Variants in IRF1 observed in about 807,000 individuals in gnomAD.
The protein encoded by IRF1 is interferon regulatory factor 1, also known as interferon regulatory factor-1.
A neutral mutation model predicts 43.7 loss-of-function variants in IRF1; 13 were observed. The observed-to-expected ratio is 0.30, with a 90% CI of 0.19 to 0.47. The LOEUF is 0.47. Ranked by LOEUF, IRF1 falls within the 20% of genes least tolerant of loss-of-function variation. The pLI is 0.99. For synonymous variants in IRF1, 138 were observed against 146.8 expected, an observed-to-expected ratio of 0.94 and a Z score of 0.43; for missense variants, 236 against 408.9, an observed-to-expected ratio of 0.58 and a Z score of 3.65.
chr5:132,489,607 T>G, intron 1 of IRF1, 124 bp from the exon 2 acceptor site: 1 of 703,584 alleles, frequency 1.4e-6, no homozygotes, highest in Admixed American at 2.2e-5. Flanking sequence ...GGTACTACAC[T>G]CAGTGCGGAG....
intron 1 of IRF1, chr5:132,489,756 G>T (rs1311823732): frequency 8.5e-6 from 3 of 352,872 alleles, no homozygotes; most frequent in East Asian, 8.6e-5. Flanking sequence ...GGATTCATAT[G>T]CAGGAAAAGA....
intron 3 of IRF1, 77 bp from the exon 4 acceptor site, chr5:132,487,207 A>T: frequency 6.8e-7 from 1 of 1,464,036 alleles, no homozygotes; most frequent in Non-Finnish European, 9.5e-7. Flanking sequence ...TGAAGGAGGA[A>T]GGCAAGGTAC....
chr5:132,485,849 A>ACACACACACACAC lies in IRF1; in HGVS notation c.668-134_668-133insGTGTGTGTGTGTG, dbSNP rs111906639. ...CTCTGACACACACACACACACACAC[A>ACACACACACACAC]CCCTCCCGGTGGACCTATCTGCCAT... On this transcript the variant is annotated intron_variant, in intron 7 of 9. Coordinates refer to ENST00000245414, the MANE Select transcript of IRF1 (RefSeq NM_002198.3). 8.5e-3 allele frequency: 5,714 copies of ACACACACACACAC among 669,152 alleles called. 91 individuals carry two copies. In the East Asian group the frequency reaches 0.1, roughly 12 times the overall value. The allele number at this position is 669,152 out of a possible 1,614,324, so 41.5% of individuals were successfully genotyped here.
chr5:132,487,662 C>G (rs1263426258), intron 3 of IRF1: 3 of 511,960 alleles, frequency 5.9e-6, no homozygotes, highest in Non-Finnish European at 1.1e-5. Context: ...TTCACAGATG[C>G]TTTTGCCAGG....
rs1254594494 is a variant in IRF1 at position 132,482,384 on chromosome 5, A to G, written c.*1567T>C. On this transcript the variant is annotated 3_prime_UTR_variant, in exon 10 of 10. Coordinates refer to ENST00000245414, the MANE Select transcript of IRF1 (RefSeq NM_002198.3). Reference sequence around the variant, plus strand: ...CAGGCACCCGCCACTAGGCCCGGCTAATTTTTTATATTTTTAGTAGAGACG... The same window carrying G: ...CAGGCACCCGCCACTAGGCCCGGCTGATTTTTTATATTTTTAGTAGAGACG... 6.6e-6 allele frequency: 1 copy of G among 152,062 alleles called. No individual in the cohort carries two copies. Among genetic ancestry groups the G allele is most frequent in the Non-Finnish European group, 1.5e-5 (1 of 68,042 alleles). 9.4% of individuals were successfully genotyped at this position (152,062 alleles called of 1,614,324 possible). A position where few individuals can be genotyped will look rare whatever the true frequency, so the allele number is the denominator to read the frequency against.
chr5:132,487,841 C>G, intron 3 of IRF1, 85 bp downstream of exon 3: 1 of 863,936 alleles, frequency 1.2e-6, no homozygotes, highest in Non-Finnish European at 1.9e-6. Context: ...AGCTCAGGGA[C>G]CCCAGTGAAG....
chr5:132,484,809 G>A (rs963720263), intron 8 of IRF1: 5 of 264,166 alleles, frequency 1.9e-5, no homozygotes, highest in African/African-American at 1.1e-4. Context: ...TAAAACAAAG[G>A]TTAGCATAAT....
Position 132,486,686 on chromosome 5 carries a change from A to G in IRF1, c.415T>C (p.Ser139Pro). 1 of 1,613,856 alleles carries G rather than the reference A, an allele frequency of 6.2e-7. No individual in the cohort carries two copies. The highest frequency in any genetic ancestry group is 8.5e-7 in the Non-Finnish European group (1 of 1,179,760). The change falls in exon 6 of 10, where the codon TCA becomes CCA. Residue 139 changes from serine (S) to proline (P), a missense_variant and splice_region_variant. By Grantham distance (74) the Ser-to-Pro change is moderately conservative (BLOSUM62 -1). Around this residue, in one of 2 missense-constraint regions of IRF1, gnomAD observed 170 missense variants for 251.8 expected, o/e 0.68. Coordinates refer to ENST00000245414, the MANE Select transcript of IRF1 (RefSeq NM_002198.3). Reference sequence around the variant, plus strand: ...GTATCAGGGCTGGAATCCCCACATGACTGTCGAGGGAGAAAGCAGCTTAGG... The same window carrying G: ...GTATCAGGGCTGGAATCCCCACATGGCTGTCGAGGGAGAAAGCAGCTTAGG... ...RDAKSKAKRK[S>P]CGDSSPDTFS...
intron 7 of IRF1, 150 bp from the exon 8 acceptor site, chr5:132,485,866 A>G (rs10053046): frequency 0.34 from 225,584 of 658,338 alleles, 40,172 homozygotes; most frequent in African/African-American, 0.48. Flanking sequence ...CGGTGGACCT[A>G]TCTGCCATAG....
rs773209818 is a variant in IRF1 at position 132,483,988 on chromosome 5, C to T, written c.941G>A (p.Arg314Gln). 15 of 1,613,668 alleles carry T rather than the reference C, an allele frequency of 9.3e-6. No homozygotes were observed. The highest frequency in any genetic ancestry group is 1.3e-5 in the African/African-American group (1 of 74,890). Reference sequence around the variant, plus strand: ...GGGAATGGCCTGGATGGAGGGCAACCGGACTGGGGTCAGCAGGCTGTCCAG... The same window carrying T: ...GGGAATGGCCTGGATGGAGGGCAACTGGACTGGGGTCAGCAGGCTGTCCAG... Reference protein sequence around the residue: ...TWLDSLLTPVRLPSIQAIPCA... With the variant: ...TWLDSLLTPVQLPSIQAIPCA... Residue 314 changes from arginine (R) to glutamine (Q), a missense_variant, in exon 10 of 10, where the codon CGG becomes CAG. Physicochemically the swap from Arg to Gln is conservative, Grantham distance 43 (BLOSUM62 1). Around this residue, in one of 2 missense-constraint regions of IRF1, gnomAD observed 170 missense variants for 251.8 expected, o/e 0.68. Coordinates refer to ENST00000245414, the MANE Select transcript of IRF1 (RefSeq NM_002198.3).
Position 132,484,384 on chromosome 5 carries a change from C to T in IRF1, c.831G>A (p.Glu277=). 6.2e-7 allele frequency: 1 copy of T among 1,614,160 alleles called. No homozygotes were observed. Among genetic ancestry groups the T allele is most frequent in the Non-Finnish European group, 8.5e-7 (1 of 1,179,994 alleles). ...SVYGDFSCKE[E]PEIDSPGGDI... ...TACCCCCTGGGCTGTCAATTTCTGG[C>T]TCCTCCTTACAGCTAAAGTCTCCAT... The change falls in exon 9 of 10, where the codon GAG becomes GAA. Residue 277 remains glutamate, a synonymous_variant. Transcript: ENST00000245414.
At chr5:132,487,539 T>C in intron 3 of IRF1, 2 of 338,766 alleles carry the variant, frequency 5.9e-6, no homozygotes, top group South Asian at 6.2e-5. Context: ...GAGCTCCATC[T>C]CTCAAGGATA....
At position 132,490,400 on chromosome 5, in the gene IRF1, C is replaced by G. The variant is rs1207445843; in HGVS notation, c.-6+145G>C. 6.7e-6 allele frequency: 1 copy of G among 149,910 alleles called. No individual in the cohort carries two copies. Among genetic ancestry groups the G allele is most frequent in the Non-Finnish European group, 1.5e-5 (1 of 67,290 alleles). 9.3% of individuals were successfully genotyped at this position (149,910 alleles called of 1,614,324 possible). A position where few individuals can be genotyped will look rare whatever the true frequency, so the allele number is the denominator to read the frequency against. ...GGCCCGCGGCTCGCAGCTCCTCCGGCGCCCCCCGGAGCCCGCGCGGAGGCC... is the reference window on the plus strand; with the variant it reads ...GGCCCGCGGCTCGCAGCTCCTCCGGGGCCCCCCGGAGCCCGCGCGGAGGCC... On this transcript the variant is annotated intron_variant, in intron 1 of 9. Coordinates refer to ENST00000245414, the MANE Select transcript of IRF1 (RefSeq NM_002198.3). The surrounding 1 kb of genome is among the most constrained non-coding windows in gnomAD (Gnocchi z 5.8).
At chr5:132,489,250 C>T in intron 2 of IRF1, 142 bp downstream of exon 2, 2 of 680,302 alleles carry the variant, frequency 2.9e-6, no homozygotes, top group South Asian at 3.3e-5. Flanking sequence ...GCCGTGCACA[C>T]TCCCTGCATG....
chr5:132,487,016 T>A lies in IRF1; in HGVS notation c.302A>T (p.Lys101Met). Residue 101 changes from lysine to methionine, a missense_variant, in exon 4 of 10, where the codon AAG becomes ATG. By Grantham distance (95) the Lys-to-Met change is moderately conservative. Coordinates refer to ENST00000245414, the MANE Select transcript of IRF1 (RefSeq NM_002198.3). ...IEEVKDQSRN[K>M]GSSAVRVYRM... ...GTACACTCGCACAGCTGAGCTGCCCTTGTTCCTGCTCTGGTCTTTCACCTC... is the reference window on the plus strand; with the variant it reads ...GTACACTCGCACAGCTGAGCTGCCCATGTTCCTGCTCTGGTCTTTCACCTC... The A allele has an allele frequency of 6.2e-7, 1 of 1,614,212 alleles. No individual in the cohort carries two copies. The highest frequency in any genetic ancestry group is 8.5e-7 in the Non-Finnish European group (1 of 1,180,030).
intron 7 of IRF1, 38 bp downstream of exon 7, chr5:132,486,209 CCAGA>C: frequency 6.2e-7 from 1 of 1,608,778 alleles, no homozygotes; most frequent in African/African-American, 1.3e-5. Context: ...TTCACAGGAC[CCAGA>C]CAGTCAAGCA....
chr5:132,485,651 T>G lies in IRF1; in HGVS notation c.717+16A>C. 6.2e-7 allele frequency: 1 copy of G among 1,602,994 alleles called. No individual in the cohort carries two copies. The highest frequency in any genetic ancestry group is 8.5e-7 in the Non-Finnish European group (1 of 1,169,900). ...AACGGTCACTTCAAGAGTGCCCAGG[T>G]AGGAAGGGGCTTTACCTTCATGATG... On this transcript the variant is annotated intron_variant, in intron 8 of 9. Transcript: ENST00000245414.
In IRF1 at chr5:132,483,997, G is replaced by A. The variant is rs1580936499; in HGVS notation, c.932C>T (p.Thr311Ile). 1.2e-6 allele frequency: 2 copies of A among 1,613,936 alleles called. No homozygotes were observed. The highest frequency in any genetic ancestry group is 1.7e-6 in the Non-Finnish European group (2 of 1,180,018). ...MDATWLDSLLTPVRLPSIQAI... is the reference protein window; with the variant it reads ...MDATWLDSLLIPVRLPSIQAI... ...CTGGATGGAGGGCAACCGGACTGGGGTCAGCAGGCTGTCCAGCCAGGTGGC... is the reference window on the plus strand; with the variant it reads ...CTGGATGGAGGGCAACCGGACTGGGATCAGCAGGCTGTCCAGCCAGGTGGC... The change falls in exon 10 of 10, where the codon ACC becomes ATC. Residue 311 changes from threonine (T) to isoleucine (I), a missense_variant. Physicochemically the swap from Thr to Ile is moderately conservative, Grantham distance 89 (BLOSUM62 -1). Transcript: ENST00000245414.
chr5:132,489,258 A>G lies in IRF1; in HGVS notation c.87+134T>C, dbSNP rs553984348. 4 of 706,408 alleles carry G rather than the reference A, an allele frequency of 5.7e-6. No individual in the cohort carries two copies. In the Admixed American group the frequency reaches 8.2e-5, roughly 14 times the overall value. 43.8% of individuals were successfully genotyped at this position (706,408 alleles called of 1,614,324 possible). On this transcript the variant is annotated intron_variant, in intron 2 of 9. Transcript: ENST00000245414. ...AGGCTGGGCCGTGCACACTCCCTGC[A>G]TGCAGGACCCACTGGGAGAAACACC... is the stretch of plus-strand genomic sequence containing the variant.
Sources: gnomAD v4.1 joint callset for allele counts on GRCh38, gnomAD v4.1.1 for gene constraint, gnomAD v4.1.1 regional missense constraint, Gnocchi (gnomAD v3.1) non-coding constraint, MANE v1.5 for transcripts, NCBI Gene and HGNC (gene_info 2026-07-23, HGNC 2026-07-21) for gene names.